VRK2: variants seen among roughly 807,000 people sequenced by gnomAD.
The protein encoded by VRK2 is VRK serine/threonine kinase 2.
In VRK2, 60 loss-of-function variants were observed where a neutral mutation model predicts 57.6. The observed-to-expected ratio is 1.04, with a 90% CI of 0.85 to 1.29. The LOEUF (loss-of-function observed/expected upper bound fraction) is 1.29. Among genes scored for constraint, VRK2 ranks in the 50% most tolerant of loss-of-function variants. VRK2 has a pLI of 0.00. For synonymous variants in VRK2, 231 were observed against 199.2 expected (o/e 1.16, Z -1.35); for missense variants, 705 against 588.1 (o/e 1.20, Z -2.06).
chr2:58,089,682 A>C lies in VRK2; in HGVS notation c.502A>C (p.Lys168Gln). The change falls in exon 7 of 13, where the codon AAA becomes CAA. Residue 168 changes from lysine to glutamine, a missense_variant. Transcript: ENST00000340157. ...AAATGAATATGTTCATGGTGATATA[A>C]AAGCAGCAAATCTACTTTTGGGTTA... ...HENEYVHGDI[K>Q]AANLLLGYKN... 3 of 1,608,720 alleles carry C rather than the reference A, an allele frequency of 1.9e-6. No homozygotes were observed. The highest frequency in any genetic ancestry group is 2.5e-6 in the Non-Finnish European group (3 of 1,176,660).
chr2:58,142,832 C>T (rs1392347889), intron 11 of VRK2, among the ~76,000 whole-genome samples: 1 of 151,844 alleles, frequency 6.6e-6, no homozygotes, highest in Non-Finnish European at 1.5e-5. Flanking sequence ...CAATGACTCC[C>T]ACCTTATTAT....
At chr2:57,914,579 T>C (rs1405767324) in intron 1 of VRK2, among the ~76,000 whole-genome samples, 3 of 152,068 alleles carry the variant, frequency 2.0e-5, no homozygotes, top group Non-Finnish European at 4.4e-5. Context: ...TCTCCTTAGG[T>C]AAAACTTCTT....
In VRK2 at chr2:57,966,292, G is replaced by C. The variant is rs139083986; in HGVS notation, c.-439+58453G>C. 2.1e-3 allele frequency among the ~76,000 whole-genome samples: 313 copies of C among 152,304 alleles called. 1 individual carries two copies. Among genetic ancestry groups the C allele is most frequent in the Middle Eastern group, 6.8e-3 (2 of 294 alleles). Reference sequence around the variant, plus strand: ...TTGCAGCTGAGGAATACAGGATCAAGGGCAAGCAGCAAACAAGCTAGTAGT... The same window carrying C: ...TTGCAGCTGAGGAATACAGGATCAACGGCAAGCAGCAAACAAGCTAGTAGT... On this transcript the variant is annotated intron_variant, in intron 1 of 15. Transcript: ENST00000417641.
At chr2:58,001,799 G>A (rs1673097991) in intron 1 of VRK2, among the ~76,000 whole-genome samples, 2 of 152,118 alleles carry the variant, frequency 1.3e-5, no homozygotes, top group East Asian at 1.9e-4. Context: ...TCCAGCCTGG[G>A]CGACAGAATA....
intron 2 of VRK2, among the ~76,000 whole-genome samples, chr2:58,062,985 C>CT (rs1677576693): frequency 1.3e-5 from 2 of 152,180 alleles, no homozygotes. Context: ...TTCAAAGCTT[C>CT]TAAGGACAGG....
At chr2:58,103,952 C>T (rs768894165) in intron 7 of VRK2, among the ~76,000 whole-genome samples, 8 of 151,510 alleles carry the variant, frequency 5.3e-5, no homozygotes, top group Non-Finnish European at 1.2e-4. Context: ...TGATTCATCA[C>T]ATAAGCAGAA....
At chr2:57,976,395 T>C (rs1672252697) in intron 1 of VRK2, among the ~76,000 whole-genome samples, 1 of 152,166 alleles carries the variant, frequency 6.6e-6, no homozygotes, top group Non-Finnish European at 1.5e-5. Context: ...AAGTATTCCC[T>C]TTGCTCTGTA....
chr2:58,069,843 G>A (rs779570990), intron 2 of VRK2, among the ~76,000 whole-genome samples: 3 of 152,136 alleles, frequency 2.0e-5, no homozygotes, highest in Non-Finnish European at 4.4e-5. Flanking sequence ...GTTTGCCCCA[G>A]TGTCAACTTT....
At chr2:58,141,659 T>C (rs979684261) in intron 11 of VRK2, among the ~76,000 whole-genome samples, 1 of 151,984 alleles carries the variant, frequency 6.6e-6, no homozygotes, top group Non-Finnish European at 1.5e-5. Context: ...TGCATACATA[T>C]ATTTAATAAT....
At position 58,101,206 on chromosome 2, in the gene VRK2, G is replaced by A. The variant is rs1673909299; in HGVS notation, c.543+11483G>A. On this transcript the variant is annotated intron_variant, in intron 7 of 12. Transcript: ENST00000340157. ...AAGATTCCAAGGCAAGTAAGAAGCT[G>A]TTACATATATAATTTTCCCTGCAGA... Among the ~76,000 whole-genome samples the A allele has an allele frequency of 1.3e-5, 2 of 151,608 alleles. 1 individual carries two copies. Among genetic ancestry groups the A allele is most frequent in the South Asian group, 4.1e-4 (2 of 4,834 alleles).
chr2:58,139,967 A>G (rs1276656922), intron 11 of VRK2, 135 bp downstream of exon 11: 2 of 903,674 alleles, frequency 2.2e-6, no homozygotes, highest in Non-Finnish European at 3.2e-6. Flanking sequence ...TGCCTAACTC[A>G]GCACCAAGAA....
rs1415606488 is a variant in VRK2, at chr2:58,088,434, A to G, written c.438A>G (p.Leu146=). ...TTAAAAAGTCAACTGTCCTGCAATT[A>G]GGTATCCGAATGGTAAGAATTACTT... is the stretch of plus-strand genomic sequence containing the variant. ...GTFKKSTVLQ[L]GIRMLDVLEY... Residue 146 remains leucine (L), a synonymous_variant, in exon 6 of 13, where the codon TTA becomes TTG. Transcript: ENST00000340157. The G allele has an allele frequency of 1.9e-6, 3 of 1,609,434 alleles. No individual in the cohort carries two copies. The highest frequency in any genetic ancestry group is 2.5e-6 in the Non-Finnish European group (3 of 1,176,520).
intron 1 of VRK2, among the ~76,000 whole-genome samples, chr2:57,998,444 C>T (rs867062382): frequency 2.6e-5 from 4 of 152,018 alleles, no homozygotes; most frequent in South Asian, 4.2e-4. Context: ...GGAATTACTT[C>T]GAGTGTTAAT....
chr2:58,098,610 A>AGCC (rs148889824), intron 7 of VRK2, among the ~76,000 whole-genome samples: 10,471 of 152,146 alleles, frequency 0.069, 434 homozygotes, highest in Middle Eastern at 0.1. Context: ...ATAGGTTTGT[A>AGCC]GCCTAGGAGC....
intron 1 of VRK2, among the ~76,000 whole-genome samples, chr2:57,975,349 A>G (rs1246173476): frequency 1.3e-5 from 2 of 152,002 alleles, no homozygotes; most frequent in Non-Finnish European, 2.9e-5. Flanking sequence ...AGTGCCAAAA[A>G]ACAAGGATAT....
At chr2:58,093,404 C>T (rs889978761) in intron 7 of VRK2, among the ~76,000 whole-genome samples, 4 of 152,210 alleles carry the variant, frequency 2.6e-5, no homozygotes, top group African/African-American at 9.6e-5. Flanking sequence ...TTGCATTTCT[C>T]TGATGGCCAG....
At chr2:57,958,279 T>A (rs1213667967) in intron 1 of VRK2, among the ~76,000 whole-genome samples, 1 of 152,146 alleles carries the variant, frequency 6.6e-6, no homozygotes, top group Non-Finnish European at 1.5e-5. Context: ...AACCTTTTTA[T>A]CAGCTTCATT....
At chr2:57,999,954 A>C (rs1432432984) in intron 1 of VRK2, among the ~76,000 whole-genome samples, 1 of 152,108 alleles carries the variant, frequency 6.6e-6, no homozygotes, top group East Asian at 1.9e-4. Flanking sequence ...GACCAGCCTG[A>C]GCCATATAAC....
At chr2:57,982,144 C>T (rs1672440041) in intron 1 of VRK2, among the ~76,000 whole-genome samples, 1 of 152,176 alleles carries the variant, frequency 6.6e-6, no homozygotes, top group Non-Finnish European at 1.5e-5. Flanking sequence ...TGGATGCTTT[C>T]AGGGGCCAAG....
Sources: allele counts gnomAD v4.1 joint callset (sites outside exome capture counted in the v4.1 genomes callset), GRCh38; gene constraint gnomAD v4.1.1; transcripts MANE v1.5; gene names NCBI Gene and HGNC (gene_info 2026-07-23, HGNC 2026-07-21).